The following RPS20 variants were observed in gnomAD, a reference collection of about 807,000 sequenced individuals.
RPS20 encodes the protein ribosomal protein S20.
RPS20 carries 3 observed loss-of-function variants against 15.3 expected under a neutral mutation model. The observed-to-expected ratio is 0.20, with a 90% confidence interval of 0.09 to 0.51. The LOEUF is 0.51. Ranked by LOEUF, RPS20 falls within the 20% of genes least tolerant of loss-of-function variation. The pLI is 0.96. For missense variants in RPS20, 67 were observed against 145.9 expected (o/e 0.46, Z 2.79); for synonymous variants, 62 against 47.8 (o/e 1.30, Z -1.23).
chr8:56,071,935 G>A (rs1809771713), downstream of RPS20, among the ~76,000 whole-genome samples: 1 of 152,052 alleles, frequency 6.6e-6, no homozygotes, highest in Non-Finnish European at 1.5e-5. Flanking sequence ...AACCTGTAAG[G>A]GTATCTATCT....
At position 56,074,162 on chromosome 8, in the gene RPS20, A is replaced by T. The variant is rs7841901; in HGVS notation, c.4-3T>A. On this transcript the variant is annotated splice_polypyrimidine_tract_variant and splice_region_variant and intron_variant, in intron 1 of 3. Transcript: ENST00000009589. The stretch of plus-strand genomic sequence containing the variant: ...GTTTTTCCGGTATCCTTAAAAGCCT[A>T]TTATTAGATACATGAAAAAGAACAA... The T allele has an allele frequency of 8.7e-6, 14 of 1,608,284 alleles. No homozygotes were observed. The East Asian group carries it at 3.1e-4, about 36-fold the overall frequency.
At chr8:56,072,820 T>C (rs1249728666), downstream of RPS20, 4 of 1,122,326 alleles carry the variant, frequency 3.6e-6, no homozygotes, top group East Asian at 2.0e-4. Context: ...CCCATACCAA[T>C]CAGAATTTAT....
chr8:56,073,375 G>T, intron 3 of RPS20, 103 bp from the exon 4 acceptor site: 1 of 811,566 alleles, frequency 1.2e-6, no homozygotes, highest in Non-Finnish European at 2.0e-6. Context: ...TTTCCCTTTG[G>T]TATGATTCCA....
At position 56,074,003 on chromosome 8, in the gene RPS20, A is replaced by G; in HGVS notation, c.103+57T>C. 3 of 1,362,684 alleles carry G rather than the reference A, an allele frequency of 2.2e-6. No homozygotes were observed. In the South Asian group the frequency reaches 3.5e-5, roughly 16 times the overall value. The allele number at this position is 1,362,684 out of a possible 1,614,324, so 84.4% of individuals were successfully genotyped here. A position where few individuals can be genotyped will look rare whatever the true frequency, so the allele number is the denominator to read the frequency against. On this transcript the variant is annotated intron_variant, in intron 2 of 3. Coordinates refer to ENST00000009589, the MANE Select transcript of RPS20 (RefSeq NM_001023.4). The stretch of plus-strand genomic sequence containing the variant: ...ACCTTCTACACTAACATTAACGAGT[A>G]AAGCTCGTCGCTTTTCGCCCAATTC...
chr8:56,072,867 A>G, downstream of RPS20: 2 of 1,256,460 alleles, frequency 1.6e-6, no homozygotes, highest in Non-Finnish European at 2.0e-6. Context: ...CCAGTGTCCA[A>G]TAAAACCAGT....
chr8:56,072,986 T>G, downstream of RPS20: 1 of 1,477,080 alleles, frequency 6.8e-7, no homozygotes, highest in Admixed American at 2.4e-5. Flanking sequence ...ACCTGAAAAG[T>G]GGAAGTCTCA....
downstream of RPS20, among the ~76,000 whole-genome samples, chr8:56,068,693 T>A (rs560007765): frequency 7.3e-5 from 11 of 151,386 alleles, no homozygotes; most frequent in African/African-American, 2.7e-4. Context: ...ATACCAGATA[T>A]ATGATATTGT....
downstream of RPS20, among the ~76,000 whole-genome samples, chr8:56,071,289 G>A (rs1450511577): frequency 6.6e-6 from 1 of 152,136 alleles, no homozygotes; most frequent in Admixed American, 6.5e-5. Flanking sequence ...CAGTTCTCAA[G>A]ACATGTGTGC....
chr8:56,072,903 C>T (rs1333682402), downstream of RPS20: 9 of 1,345,174 alleles, frequency 6.7e-6, no homozygotes, highest in African/African-American at 1.5e-5. Flanking sequence ...ATGTAGTTAA[C>T]GGAATCCAGT....
intron 1 of RPS20, 87 bp downstream of exon 1, chr8:56,074,294 C>T: frequency 1.3e-6 from 2 of 1,541,140 alleles, no homozygotes; most frequent in Admixed American, 1.9e-5. Context: ...GCCCCGGCAT[C>T]TGCCCTCAGG....
chr8:56,074,369 C>CT lies in RPS20; in HGVS notation c.3+11dup. Reference sequence around the variant, plus strand: ...CCTGCGTTGCGCCGCCCGCCGCCGACTGCCGCCTCACCATGGCTGTTGCGC... The same window carrying CT: ...CCTGCGTTGCGCCGCCCGCCGCCGACTTGCCGCCTCACCATGGCTGTTGCGC... On this transcript the variant is annotated intron_variant, in intron 1 of 3. Coordinates refer to ENST00000009589, the MANE Select transcript of RPS20 (RefSeq NM_001023.4). 6.4e-7 allele frequency: 1 copy of CT among 1,556,850 alleles called. No homozygotes were observed. Among genetic ancestry groups the CT allele is most frequent in the Non-Finnish European group, 8.6e-7 (1 of 1,156,818 alleles).
At chr8:56,072,311 G>C (rs982191452), downstream of RPS20, among the ~76,000 whole-genome samples, 1 of 152,056 alleles carries the variant, frequency 6.6e-6, no homozygotes, top group African/African-American at 2.4e-5. Flanking sequence ...CAGCACTTTG[G>C]GAGGCTGAGG....
At chr8:56,070,426 C>T (rs776870641), downstream of RPS20, among the ~76,000 whole-genome samples, 49 of 152,138 alleles carry the variant, frequency 3.2e-4, 1 homozygote, top group African/African-American at 7.2e-5. Context: ...AGGCACTCTA[C>T]GGATGTCATG....
chr8:56,073,049 A>AT, downstream of RPS20: 1 of 1,580,422 alleles, frequency 6.3e-7, no homozygotes, highest in South Asian at 1.1e-5. Context: ...AAAAACCAAC[A>AT]GAAGTTAACA....
At position 56,074,499 on chromosome 8, in the gene RPS20, T is replaced by C; in HGVS notation, c.-116A>G. On this transcript the variant is annotated 5_prime_UTR_variant, in exon 1 of 4. Transcript: ENST00000009589. Reference sequence around the variant, plus strand: ...CTCAGCCCTTACGACCGCGTCTTCCTCAAAAAGAAAGGGGTGGGACTTGAG... The same window carrying C: ...CTCAGCCCTTACGACCGCGTCTTCCCCAAAAAGAAAGGGGTGGGACTTGAG... 8.4e-7 allele frequency: 1 copy of C among 1,189,948 alleles called. No individual in the cohort carries two copies. Among genetic ancestry groups the C allele is most frequent in the South Asian group, 1.4e-5 (1 of 72,046 alleles). 73.7% of individuals were successfully genotyped at this position (1,189,948 alleles called of 1,614,324 possible). A position where few individuals can be genotyped will look rare whatever the true frequency, so the allele number is the denominator to read the frequency against.
At chr8:56,072,904 G>A (rs899267183), downstream of RPS20, 24 of 1,344,688 alleles carry the variant, frequency 1.8e-5, no homozygotes, top group East Asian at 5.6e-5. Flanking sequence ...TGTAGTTAAC[G>A]GAATCCAGTT....
chr8:56,069,595 A>G, downstream of RPS20: 1 of 809,006 alleles, frequency 1.2e-6, no homozygotes, highest in Non-Finnish European at 2.0e-6. Flanking sequence ...CACCCCGCCC[A>G]GCCATAGTTC....
At chr8:56,073,986 C>T (rs1219623394) in intron 2 of RPS20, 74 bp downstream of exon 2, 1 of 1,269,236 alleles carries the variant, frequency 7.9e-7, no homozygotes, top group Non-Finnish European at 1.2e-6. Context: ...CCACCTTCTA[C>T]ACTAACATTA....
At chr8:56,073,556 G>T in intron 3 of RPS20, 139 bp downstream of exon 3, 2 of 744,202 alleles carry the variant, frequency 2.7e-6, no homozygotes, top group Non-Finnish European at 4.8e-6. Flanking sequence ...ACTAGGAACC[G>T]CAATCTACCA....
Sources: gnomAD v4.1 joint callset for allele counts (sites outside exome capture counted in the v4.1 genomes callset) on GRCh38, gnomAD v4.1.1 for gene constraint, MANE v1.5 for transcripts, NCBI Gene and HGNC (gene_info 2026-07-23, HGNC 2026-07-21) for gene names.